Variants in SMAD7 observed in about 807,000 individuals in gnomAD.
SMAD7 encodes the protein MAD (mothers against decapentaplegic, Drosophila) homolog 7.
Under a neutral mutation model 38.7 loss-of-function variants are expected in SMAD7, and 8 were observed. The observed-to-expected ratio is 0.21, with a 90% CI of 0.12 to 0.37. The LOEUF is 0.37. Among genes scored for constraint, SMAD7 ranks in the 10% least tolerant of loss-of-function variants. The pLI, the probability that SMAD7 is intolerant of heterozygous loss-of-function variation, is 1.00. For missense variants in SMAD7, 477 were observed against 577.9 expected (o/e 0.83, Z 1.79); for synonymous variants, 327 against 265.1 (o/e 1.23, Z -2.27).
chr18:48,948,613 C>T lies in SMAD7; in HGVS notation c.614-176G>A, dbSNP rs188103572. The T allele has an allele frequency of 1.8e-4, 81 of 445,710 alleles. No homozygotes were observed. The East Asian group carries it at 3.5e-3, about 19-fold the overall frequency. 27.6% of individuals were successfully genotyped at this position (445,710 alleles called of 1,614,324 possible). On this transcript the variant is annotated intron_variant, in intron 1 of 3. Coordinates refer to ENST00000262158, the MANE Select transcript of SMAD7 (RefSeq NM_005904.4). Reference sequence around the variant, plus strand: ...TAGCTGTCAGATAAACAAAAGAGGCCGCCTGGCGCCAGCCTCGGCGCTCCG... The same window carrying T: ...TAGCTGTCAGATAAACAAAAGAGGCTGCCTGGCGCCAGCCTCGGCGCTCCG...
intron 3 of SMAD7, among the ~76,000 whole-genome samples, chr18:48,933,259 T>C (rs978723252): frequency 4.6e-5 from 7 of 151,968 alleles, no homozygotes; most frequent in Non-Finnish European, 1.0e-4. Flanking sequence ...CTCCCCCACC[T>C]ATGGCCTGGC....
At chr18:48,943,149 A>G (rs896792186) in intron 2 of SMAD7, among the ~76,000 whole-genome samples, 3 of 152,158 alleles carry the variant, frequency 2.0e-5, no homozygotes, top group African/African-American at 7.2e-5. Flanking sequence ...CCACCAGATC[A>G]AGACAGAGAA....
chr18:48,929,569 T>TCTCTCTCTCACACACACACA lies in SMAD7; in HGVS notation c.743-7660_743-7659insTGTGTGTGTGTGAGAGAGAG, dbSNP rs3082710. On this transcript the variant is annotated intron_variant, in intron 3 of 3. Transcript: ENST00000262158. ...CTCTCTTTCTCTCTCTCTCTCTCTCTCACTCACACACACACACACACACAC... is the reference window on the plus strand; with the variant it reads ...CTCTCTTTCTCTCTCTCTCTCTCTCTCTCTCTCTCACACACACACACACTCACACACACACACACACACAC... Among the ~76,000 whole-genome samples the TCTCTCTCTCACACACACACA allele has an allele frequency of 1.3e-4, 15 of 114,622 alleles. No individual in the cohort carries two copies. In the East Asian group the frequency reaches 1.4e-3, roughly 10 times the overall value. The allele number at this position is 114,622 out of a possible 152,430, so 75.2% of individuals were successfully genotyped here.
rs574083465 is a variant in SMAD7 at position 48,919,874 on chromosome 18, C to A, written c.*1498G>T. 5.2e-5 allele frequency: 8 copies of A among 152,654 alleles called. No individual in the cohort carries two copies. The East Asian group carries it at 1.2e-3, about 22-fold the overall frequency. 9.5% of individuals were successfully genotyped at this position (152,654 alleles called of 1,614,324 possible). Reference sequence around the variant, plus strand: ...GAAATCAAGTGTACATTTTAAAAATCGTTTAATGGAACATAAACTCCTTTA... The same window carrying A: ...GAAATCAAGTGTACATTTTAAAAATAGTTTAATGGAACATAAACTCCTTTA... On this transcript the variant is annotated 3_prime_UTR_variant, in exon 4 of 4. Coordinates refer to ENST00000262158, the MANE Select transcript of SMAD7 (RefSeq NM_005904.4).
In SMAD7 at chr18:48,949,875, C is replaced by G. The variant is rs148818548; in HGVS notation, c.550G>C (p.Gly184Arg). The change falls in exon 1 of 4, where the codon GGG becomes CGG. Residue 184 changes from glycine to arginine, a missense_variant. This residue lies in a region of SMAD7 where 376 missense variants were observed against 379.4 expected (regional missense o/e 0.99). Coordinates refer to ENST00000262158, the MANE Select transcript of SMAD7 (RefSeq NM_005904.4). ...VKRLCCCESY[G>R]KINPELVCCN... is the part of the protein sequence containing the mutation. ...CACACCAGCTCGGGGTTGATCTTCC[C>G]GTAAGATTCACAGCAACACAGCCTC... is the stretch of plus-strand genomic sequence containing the variant. 1 of 1,613,048 alleles carries G rather than the reference C, an allele frequency of 6.2e-7. No homozygotes were observed. The highest frequency in any genetic ancestry group is 1.7e-5 in the Admixed American group (1 of 59,930).
intron 3 of SMAD7, among the ~76,000 whole-genome samples, chr18:48,931,794 C>T (rs1238670293): frequency 6.6e-6 from 1 of 152,198 alleles, no homozygotes; most frequent in Non-Finnish European, 1.5e-5. Flanking sequence ...CTGAGACACT[C>T]GGCCTCAACC....
chr18:48,933,728 T>C (rs1290758191), intron 3 of SMAD7: 1 of 152,362 alleles, frequency 6.6e-6, no homozygotes, highest in Non-Finnish European at 1.5e-5. Flanking sequence ...CATATGCCAC[T>C]GAGAGGTGTT....
chr18:48,950,401 C>G lies in SMAD7; in HGVS notation c.24G>C (p.Ala8=), dbSNP rs905367537. ...GGCTCCTCCAGAGACGCCGGACGAG[C>G]GCAGATCGTTTGGTCCTGAACATGC... MFRTKRS[A]LVRRLWRSRA... The change falls in exon 1 of 4, where the codon GCG becomes GCC. Residue 8 remains alanine, a synonymous_variant. Transcript: ENST00000262158. 1.3e-6 allele frequency: 2 copies of G among 1,549,926 alleles called. No homozygotes were observed. Among genetic ancestry groups the G allele is most frequent in the Non-Finnish European group, 1.7e-6 (2 of 1,149,492 alleles).
chr18:48,940,357 A>C (rs868667065), intron 3 of SMAD7, among the ~76,000 whole-genome samples: 1 of 152,170 alleles, frequency 6.6e-6, no homozygotes, highest in African/African-American at 2.4e-5. Flanking sequence ...CTCCTTATTA[A>C]TATCTGTGTC....
At chr18:48,931,979 G>GC (rs11453375) in intron 3 of SMAD7, among the ~76,000 whole-genome samples, 69,274 of 151,104 alleles carry the variant, frequency 0.46, 18,953 homozygotes, top group African/African-American at 0.78. Context: ...CCAGAAAACA[G>GC]CCCCCCCAGC....
intron 1 of SMAD7, among the ~76,000 whole-genome samples, chr18:48,948,801 G>T (rs2070227154): frequency 6.6e-6 from 1 of 152,138 alleles, no homozygotes; most frequent in South Asian, 2.1e-4. Flanking sequence ...TCGGCTCCCC[G>T]CCCCGGCCCG....
In SMAD7 at chr18:48,950,234, T is replaced by TTGCCCAGGCAGCATCCAGCCC. The variant is rs2143827348; in HGVS notation, c.170_190dup (p.Arg57_Gly63dup). The TTGCCCAGGCAGCATCCAGCCC allele has an allele frequency of 4.7e-6, 7 of 1,505,352 alleles. No individual in the cohort carries two copies. Among genetic ancestry groups the TTGCCCAGGCAGCATCCAGCCC allele is most frequent in the East Asian group, 2.8e-5 (1 of 36,006 alleles). 93.2% of individuals were successfully genotyped at this position (1,505,352 alleles called of 1,614,324 possible). ...GTGACCTTTGGCACCTCGCACCGCC[T>TTGCCCAGGCAGCATCCAGCCC]TGCCCAGGCAGCATCCAGCCCTGCC... On this transcript the variant is annotated inframe_insertion, in exon 1 of 4. Transcript: ENST00000262158.
intron 3 of SMAD7, among the ~76,000 whole-genome samples, chr18:48,924,046 A>G (rs1484893040): frequency 6.6e-6 from 1 of 152,222 alleles, no homozygotes; most frequent in Admixed American, 6.5e-5. Flanking sequence ...ACACATTGGC[A>G]TCAAGTGTGA....
rs547800754 is a variant in SMAD7, at chr18:48,935,183, G to A, written c.742+7298C>T. On this transcript the variant is annotated intron_variant, in intron 3 of 3. Coordinates refer to ENST00000262158, the MANE Select transcript of SMAD7 (RefSeq NM_005904.4). ...GAAACAGAGAGGCTGGGGGGCAGCC[G>A]AGTCCCCCAAGTGAGCCAACAGGTT... 2.6e-5 allele frequency among the ~76,000 whole-genome samples: 4 copies of A among 152,268 alleles called. No homozygotes were observed. The South Asian group carries it at 6.3e-4, about 24-fold the overall frequency.
intron 3 of SMAD7, among the ~76,000 whole-genome samples, chr18:48,924,119 G>A (rs1347304507): frequency 6.6e-6 from 1 of 151,104 alleles, no homozygotes; most frequent in Non-Finnish European, 1.5e-5. Flanking sequence ...GTGGAGGAGG[G>A]TGTTCTGAAA....
chr18:48,922,952 G>A (rs887450491), intron 3 of SMAD7, among the ~76,000 whole-genome samples: 2 of 152,168 alleles, frequency 1.3e-5, no homozygotes, highest in African/African-American at 4.8e-5. Context: ...CTTTAAAAGG[G>A]GGGTCACACG....
chr18:48,924,725 C>T (rs2069905280), intron 3 of SMAD7, among the ~76,000 whole-genome samples: 1 of 152,130 alleles, frequency 6.6e-6, no homozygotes, highest in South Asian at 2.1e-4. Context: ...TCCAGCTCCC[C>T]CACCAGCAGC....
chr18:48,946,560 G>A (rs1163570843), intron 2 of SMAD7, among the ~76,000 whole-genome samples: 1 of 151,932 alleles, frequency 6.6e-6, no homozygotes, highest in African/African-American at 2.4e-5. Context: ...TTCTTTTTTT[G>A]TTCTATTTTC....
chr18:48,942,830 C>G, intron 2 of SMAD7: 2 of 1,246,338 alleles, frequency 1.6e-6, no homozygotes, highest in Non-Finnish European at 2.0e-6. Context: ...TCTTGCATTA[C>G]CAGTCCCCCA....
Sources: gnomAD v4.1 joint callset for allele counts (sites outside exome capture counted in the v4.1 genomes callset) on GRCh38, gnomAD v4.1.1 for gene constraint, gnomAD v4.1.1 regional missense constraint, MANE v1.5 for transcripts, NCBI Gene and HGNC (gene_info 2026-07-23, HGNC 2026-07-21) for gene names.